GLI3: variants seen among roughly 807,000 people sequenced by gnomAD.
The protein encoded by GLI3 is GLI family zinc finger 3.
GLI3 carries 20 observed loss-of-function variants against 100.8 expected under a neutral mutation model. The ratio of observed to expected loss-of-function variants is 0.20; its 90% CI spans 0.14 to 0.29. GLI3 has a LOEUF of 0.29. Among genes scored for constraint, GLI3 ranks in the 10% least tolerant of loss-of-function variants. The pLI, the probability that GLI3 is intolerant of heterozygous loss-of-function variation, is 1.00. For missense variants in GLI3, 2,040 were observed against 2,128.5 expected (o/e 0.96, Z 0.82); for synonymous variants, 938 against 860.5 (o/e 1.09, Z -1.58).
chr7:42,239,199 G>A (rs2128708547), upstream of GLI3, among the ~76,000 whole-genome samples: 1 of 152,316 alleles, frequency 6.6e-6, no homozygotes, highest in Admixed American at 6.5e-5. Context: ...ACTCATCGCA[G>A]AGAGCACGAG....
rs139672999 is a variant in GLI3, at chr7:41,967,721, G to C, written c.2306C>G (p.Pro769Arg). 6.2e-7 allele frequency: 1 copy of C among 1,614,152 alleles called. No homozygotes were observed. Among genetic ancestry groups the C allele is most frequent in the Non-Finnish European group, 8.5e-7 (1 of 1,180,014 alleles). ...GTGCTCCATCCATTTGGTCCCTGCC[G>C]GGTTTCTCCTGGCTTGCAAAGCAAG... ...TALALQARRN[P>R]AGTKWMEHVK... Residue 769 changes from proline to arginine, a missense_variant, in exon 14 of 15, where the codon CCG becomes CGG. Physicochemically the swap from Pro to Arg is moderately radical, Grantham distance 103. This residue lies in a region of GLI3 where 327 missense variants were observed against 338.7 expected (regional missense o/e 0.97). Coordinates refer to ENST00000395925, the MANE Select transcript of GLI3 (RefSeq NM_000168.6).
chr7:42,091,969 C>T (rs1035580004), intron 3 of GLI3, among the ~76,000 whole-genome samples: 1 of 152,268 alleles, frequency 6.6e-6, no homozygotes, highest in African/African-American at 2.4e-5. Context: ...GAGAATACCA[C>T]CAGCACTTGA....
chr7:42,084,178 C>A (rs1300426959), intron 3 of GLI3, among the ~76,000 whole-genome samples: 1 of 152,208 alleles, frequency 6.6e-6, no homozygotes, highest in Non-Finnish European at 1.5e-5. Context: ...TGCTACCCAT[C>A]ACTACACTCT....
intron 1 of GLI3, among the ~76,000 whole-genome samples, chr7:42,257,076 CT>C (rs1169362751): frequency 8.6e-5 from 13 of 151,756 alleles, no homozygotes; most frequent in Admixed American, 8.5e-4. Context: ...TAAGATTTTT[CT>C]TTGCTAGTAA....
At chr7:41,987,580 G>A (rs887048405) in intron 10 of GLI3, among the ~76,000 whole-genome samples, 53 of 152,148 alleles carry the variant, frequency 3.5e-4, no homozygotes, top group African/African-American at 1.3e-3. Context: ...TGTCCTCATC[G>A]TCCAAGTTGT....
At chr7:42,149,987 T>C (rs187373470) in intron 2 of GLI3, 5 of 152,324 alleles carry the variant, frequency 3.3e-5, no homozygotes, top group Non-Finnish European at 5.9e-5. Context: ...TGCCTGTGTG[T>C]AGGACTTGAA....
intron 2 of GLI3, among the ~76,000 whole-genome samples, chr7:42,159,482 A>G (rs78488047): frequency 9.2e-5 from 14 of 152,334 alleles, no homozygotes; most frequent in Non-Finnish European, 1.9e-4. Flanking sequence ...TCCCTTCCCA[A>G]CTAAAGATGA....
intron 3 of GLI3, among the ~76,000 whole-genome samples, chr7:42,086,466 C>T (rs1305820500): frequency 6.6e-6 from 1 of 152,124 alleles, no homozygotes; most frequent in Non-Finnish European, 1.5e-5. Flanking sequence ...CCTCCCTTCT[C>T]CCAAAATGTA....
At chr7:42,179,722 A>T (rs1378070905) in intron 2 of GLI3, among the ~76,000 whole-genome samples, 1 of 151,972 alleles carries the variant, frequency 6.6e-6, no homozygotes, top group East Asian at 1.9e-4. Flanking sequence ...TGTATGTGTG[A>T]GAGAGTGAGA....
chr7:42,051,517 C>T (rs770902552), intron 4 of GLI3, among the ~76,000 whole-genome samples: 6 of 152,100 alleles, frequency 3.9e-5, no homozygotes, highest in South Asian at 2.1e-4. Context: ...TAACATATTC[C>T]ACCCATAATA....
intron 2 of GLI3, chr7:42,150,173 A>G (rs1786820552): frequency 6.6e-6 from 1 of 152,248 alleles, no homozygotes; most frequent in Non-Finnish European, 1.5e-5. Flanking sequence ...GGGGTAAATT[A>G]TATGTTTAAT....
chr7:42,236,839 G>A (rs995901462), intron 1 of GLI3, 132 bp downstream of exon 1: 1 of 152,272 alleles, frequency 6.6e-6, no homozygotes, highest in Non-Finnish European at 1.5e-5. Context: ...CTAAATCTGG[G>A]CGCCTTTTGA....
In GLI3 at chr7:41,963,325, T is replaced by TA. The variant is rs1787055058; in HGVS notation, c.*1004dup. On this transcript the variant is annotated 3_prime_UTR_variant, in exon 15 of 15. Transcript: ENST00000395925. ...GGGGTTGTTTAAATACCTATATACT[T>TA]AGAGCTATATATAATCAATTCTCAG... The TA allele has an allele frequency of 6.6e-6, 1 of 152,224 alleles. No individual in the cohort carries two copies. Among genetic ancestry groups the TA allele is most frequent in the Admixed American group, 6.5e-5 (1 of 15,274 alleles). The allele number at this position is 152,224 out of a possible 1,614,324, so 9.4% of individuals were successfully genotyped here.
intron 10 of GLI3, among the ~76,000 whole-genome samples, chr7:42,019,971 A>T (rs1788889982): frequency 6.6e-6 from 1 of 152,206 alleles, no homozygotes; most frequent in African/African-American, 2.4e-5. Flanking sequence ...CTAGCTTGAG[A>T]GTAACTAAGC....
intron 3 of GLI3, among the ~76,000 whole-genome samples, chr7:42,119,365 C>T (rs73092599): frequency 0.066 from 10,004 of 152,158 alleles, 395 homozygotes; most frequent in Non-Finnish European, 0.093. Context: ...TTGCTCTTAA[C>T]CATCCCAAAC....
At chr7:42,143,042 T>C (rs1354712778) in intron 3 of GLI3, among the ~76,000 whole-genome samples, 1 of 151,884 alleles carries the variant, frequency 6.6e-6, no homozygotes, top group Non-Finnish European at 1.5e-5. Flanking sequence ...ATTGAATTTC[T>C]AAGAGAAAGA....
chr7:42,032,251 T>A (rs1211565520), intron 7 of GLI3, among the ~76,000 whole-genome samples: 3 of 152,000 alleles, frequency 2.0e-5, no homozygotes, highest in African/African-American at 4.8e-5. Flanking sequence ...AAAAAAAAAA[T>A]TATTTGTAAC....
At chr7:42,196,374 G>T (rs750816443) in intron 2 of GLI3, among the ~76,000 whole-genome samples, 1 of 152,158 alleles carries the variant, frequency 6.6e-6, no homozygotes, top group Non-Finnish European at 1.5e-5. Context: ...ATGTGGATGG[G>T]AGGGGCCAGC....
intron 10 of GLI3, among the ~76,000 whole-genome samples, chr7:42,004,234 A>T (rs985540357): frequency 1.3e-5 from 2 of 152,212 alleles, no homozygotes; most frequent in Non-Finnish European, 2.9e-5. Context: ...TTATACAACC[A>T]ACACAATTAT....
Sources: allele counts gnomAD v4.1 joint callset (sites outside exome capture counted in the v4.1 genomes callset), GRCh38; gene constraint gnomAD v4.1.1; regional missense constraint gnomAD v4.1.1; transcripts MANE v1.5; gene names NCBI Gene and HGNC (gene_info 2026-07-23, HGNC 2026-07-21).